ZNF185: variants seen among roughly 807,000 people sequenced by gnomAD.
The protein encoded by ZNF185 is zinc finger protein 185.
ZNF185 carries 56 observed loss-of-function variants against 58.6 expected under a neutral mutation model. The observed-to-expected ratio is 0.95, with a 90% CI of 0.77 to 1.19. The LOEUF (loss-of-function observed/expected upper bound fraction) is 1.19, where lower values mean the gene tolerates loss of function less well. Ranked by LOEUF, ZNF185 falls within the 50% of genes most tolerant of loss-of-function variation. ZNF185 has a pLI of 0.00. For synonymous variants in ZNF185, 230 were observed against 215.9 expected (o/e 1.07, Z -0.57); for missense variants, 627 against 573.5 (o/e 1.09, Z -0.95).
intron 19 of ZNF185, 140 bp from the exon 22 acceptor site, chrX:152,967,027 C>T (rs2050183303): frequency 5.6e-6 from 3 of 533,854 alleles, no homozygotes; most frequent in African/African-American, 2.3e-5. Context: ...CATAGAAGGG[C>T]CCTGTGGCAC....
chrX:152,916,143 C>A (rs111788422), intron 3 of ZNF185, among the ~76,000 whole-genome samples: 6 of 111,892 alleles, frequency 5.4e-5, no homozygotes, highest in African/African-American at 1.9e-4. Context: ...GCGAGAACCC[C>A]CAAGTGTGCC....
At chrX:152,956,217 ATGCTGTTTACC>A (rs1397095957) in intron 16 of ZNF185, among the ~76,000 whole-genome samples, 1 of 111,933 alleles carries the variant, frequency 8.9e-6, no homozygotes, top group East Asian at 2.8e-4. Context: ...AGTTTGAAGT[ATGCTGTTTACC>A]TGAGGTCCCC....
chrX:152,909,740 TGGCCCAAAGCAGTGCACAGCACAGCTG>T (rs1382523593), upstream of ZNF185, among the ~76,000 whole-genome samples: 1 of 112,185 alleles, frequency 8.9e-6, no homozygotes, highest in African/African-American at 3.2e-5. Context: ...CAGCACTGCG[TGGCCCAAAGCAGTGCACAGCACAGCTG>T]GGCCCCAGAG....
chrX:152,969,411 A>G lies in ZNF185; in HGVS notation c.1901A>G (p.Asn634Ser). Residue 634 changes from asparagine (N) to serine (S), a missense_variant, in exon 21 of 23, where the codon AAC becomes AGC. Asn to Ser is a conservative substitution (Grantham distance 46). Transcript: ENST00000449285. ...ACTGGAGGGATCTGTACTTACTGCA[A>G]CCGTGAGATCCGAGACTGTCCAAAG... 3.3e-6 allele frequency: 4 copies of G among 1,208,571 alleles called. No individual in the cohort carries two copies. In the Middle Eastern group the frequency reaches 9.2e-4, roughly 278 times the overall value.
chrX:152,907,511 G>A, the ZNF185 span, among the ~76,000 whole-genome samples: 1 of 112,993 alleles, frequency 8.9e-6, no homozygotes, highest in East Asian at 2.8e-4. Context: ...CATCTCCCCC[G>A]CCCAGCCCTG....
exon 23 of ZNF185, chrX:152,972,111 C>G (rs1373449675): frequency 2.7e-5 from 3 of 112,284 alleles, no homozygotes; most frequent in African/African-American, 9.7e-5. Context: ...TCTTGAGGCT[C>G]TACCACATAG....
At chrX:152,904,385 C>T in the ZNF185 span, among the ~76,000 whole-genome samples, 2 of 112,784 alleles carry the variant, frequency 1.8e-5, no homozygotes, top group Admixed American at 9.3e-5. Context: ...GTGCCTGTGG[C>T]GGTGCCTGCT....
chrX:152,939,297 C>T (rs1232485079), intron 15 of ZNF185, among the ~76,000 whole-genome samples: 1 of 111,725 alleles, frequency 9.0e-6, no homozygotes, highest in East Asian at 2.8e-4. Context: ...TGACAATTAA[C>T]AATCAGAGTG....
intron 22 of ZNF185, 85 bp from the exon 25 acceptor site, chrX:152,971,189 C>T (rs2050640345): frequency 1.8e-5 from 2 of 111,897 alleles, no homozygotes; most frequent in Non-Finnish European, 3.8e-5. Context: ...TAGGTGGTAA[C>T]TCCTGATGAC....
exon 2 of ZNF185, chrX:152,914,760 A>G: frequency 8.4e-7 from 1 of 1,195,469 alleles, no homozygotes; most frequent in Non-Finnish European, 1.1e-6. Context: ...TCTCAAGCAG[A>G]TGAAAGTGCG....
At chrX:152,920,282 C>T (rs1603196297) in intron 7 of ZNF185, 46 bp from the exon 9 acceptor site, 1 of 1,173,061 alleles carries the variant, frequency 8.5e-7, no homozygotes, top group Non-Finnish European at 1.2e-6. Flanking sequence ...CAGAGCATGT[C>T]CAGCTTGGCA....
chrX:152,908,507 C>T, the ZNF185 span, among the ~76,000 whole-genome samples: 1 of 112,096 alleles, frequency 8.9e-6, no homozygotes. Context: ...TGTAGGGCTG[C>T]GGGAGTGGGT....
At chrX:152,898,229 C>T in the ZNF185 span, among the ~76,000 whole-genome samples, 1 of 111,448 alleles carries the variant, frequency 9.0e-6, no homozygotes, top group African/African-American at 3.2e-5. Context: ...GAGCCGGGCA[C>T]CGGTGCCAGG....
chrX:152,936,346 A>C, intron 14 of ZNF185, 72 bp from the exon 16 acceptor site: 1 of 927,536 alleles, frequency 1.1e-6, no homozygotes, highest in Non-Finnish European at 1.5e-6. Flanking sequence ...GGCAGGATCC[A>C]CTTTCTCGGG....
At chrX:152,905,149 C>T in the ZNF185 span, among the ~76,000 whole-genome samples, 1 of 113,148 alleles carries the variant, frequency 8.8e-6, no homozygotes, top group Non-Finnish European at 1.9e-5. Context: ...CTGTGCCCGT[C>T]TCATGACATG....
exon 23 of ZNF185, chrX:152,971,853 A>G (rs782130535): frequency 4.1e-4 from 46 of 112,273 alleles, no homozygotes; most frequent in African/African-American, 1.5e-3. Flanking sequence ...ACCTTTCACT[A>G]TATTTGAGTG....
At chrX:152,912,595 G>A (rs782039732), upstream of ZNF185, among the ~76,000 whole-genome samples, 7 of 111,831 alleles carry the variant, frequency 6.3e-5, no homozygotes, top group South Asian at 1.5e-3. Flanking sequence ...GGTGGCTACA[G>A]TCCCTGAGGC....
At chrX:152,937,912 A>G (rs782497454) in intron 14 of ZNF185, among the ~76,000 whole-genome samples, 162 bp from the exon 17 acceptor site, 1 of 112,895 alleles carries the variant, frequency 8.9e-6, no homozygotes, top group East Asian at 2.8e-4. Flanking sequence ...GTTGTCACAC[A>G]CAGTGGCATC....
exon 3 of ZNF185, chrX:152,915,170 C>A (rs782463693): frequency 8.3e-7 from 1 of 1,210,629 alleles, no homozygotes; most frequent in African/African-American, 1.7e-5. Flanking sequence ...CGCGCCACAT[C>A]CTTTTCATCA....
Sources: allele counts gnomAD v4.1 joint callset (sites outside exome capture counted in the v4.1 genomes callset), GRCh38; gene constraint gnomAD v4.1.1; transcripts MANE v1.5; gene names NCBI Gene and HGNC (gene_info 2026-07-23, HGNC 2026-07-21).